Variants in ALK observed in about 807,000 individuals in gnomAD.
ALK encodes the protein ALK tyrosine kinase receptor.
ALK carries 74 observed loss-of-function variants against 163.1 expected under a neutral mutation model. The ratio of observed to expected loss-of-function variants is 0.45; its 90% CI spans 0.38 to 0.55. The LOEUF (loss-of-function observed/expected upper bound fraction) is 0.55, where lower values mean the gene tolerates loss of function less well. ALK is among the 20% of genes least tolerant of loss of function. The pLI is 0.00. For synonymous variants in ALK, 960 were observed against 843.2 expected (o/e 1.14, Z -2.40); for missense variants, 2,063 against 2,105.3 (o/e 0.98, Z 0.39).
intron 1 of ALK, among the ~76,000 whole-genome samples, chr2:29,838,114 T>C (rs1358327081): frequency 1.3e-5 from 2 of 152,198 alleles, no homozygotes; most frequent in South Asian, 4.1e-4. Flanking sequence ...CAGAGGACAC[T>C]GCAGAAGAAA....
chr2:29,860,781 C>T (rs969863086), intron 1 of ALK, among the ~76,000 whole-genome samples: 1 of 151,880 alleles, frequency 6.6e-6, no homozygotes, highest in African/African-American at 2.4e-5. Flanking sequence ...ACCAATGAGT[C>T]AAAGAGAAAT....
rs79717552 is a variant in ALK, at chr2:29,685,876, T to C, written c.952+8974A>G. Among the ~76,000 whole-genome samples, 347 of 152,324 alleles carry C rather than the reference T, an allele frequency of 2.3e-3. 1 individual carries two copies. Among genetic ancestry groups the C allele is most frequent in the African/African-American group, 7.8e-3 (325 of 41,578 alleles). On this transcript the variant is annotated intron_variant, in intron 3 of 28. Coordinates refer to ENST00000389048, the MANE Select transcript of ALK (RefSeq NM_004304.5). ...CTCTTCTTTCCCAGCCCTTAGAGGC[T>C]ACCTCCATTCTTCCTCTCACGGCTT... is the stretch of plus-strand genomic sequence containing the variant.
chr2:29,359,483 T>C (rs892323150), intron 5 of ALK, among the ~76,000 whole-genome samples: 1 of 152,222 alleles, frequency 6.6e-6, no homozygotes, highest in African/African-American at 2.4e-5. Flanking sequence ...CCTTCTTCAC[T>C]GGGTGCTTTC....
chr2:29,658,548 G>A (rs1270927543), intron 3 of ALK, among the ~76,000 whole-genome samples: 1 of 152,194 alleles, frequency 6.6e-6, no homozygotes, highest in Non-Finnish European at 1.5e-5. Flanking sequence ...CAGTGGCTAG[G>A]TGTAACCCTT....
intron 3 of ALK, among the ~76,000 whole-genome samples, chr2:29,647,929 C>A (rs1347883510): frequency 6.6e-6 from 1 of 151,992 alleles, no homozygotes; most frequent in Non-Finnish European, 1.5e-5. Flanking sequence ...ATGTGTCATT[C>A]ATTATGAATA....
chr2:29,260,408 T>A (rs1665056992), intron 11 of ALK, among the ~76,000 whole-genome samples: 2 of 152,242 alleles, frequency 1.3e-5, no homozygotes, highest in Admixed American at 1.3e-4. Context: ...ATTTTAATTT[T>A]GAATGATATT....
At chr2:29,299,205 T>G (rs1310353280) in intron 8 of ALK, among the ~76,000 whole-genome samples, 1 of 152,174 alleles carries the variant, frequency 6.6e-6, no homozygotes, top group Non-Finnish European at 1.5e-5. Flanking sequence ...AAAGTGCCTC[T>G]CCCTCTCCAC....
chr2:29,893,649 C>T (rs1006822926), intron 1 of ALK, among the ~76,000 whole-genome samples: 14 of 152,142 alleles, frequency 9.2e-5, no homozygotes, highest in African/African-American at 3.4e-4. Flanking sequence ...CCCTGGTATA[C>T]AATCCTGCCT....
chr2:29,699,801 C>T (rs185664427), intron 2 of ALK, among the ~76,000 whole-genome samples: 328 of 152,290 alleles, frequency 2.2e-3, no homozygotes, highest in Admixed American at 3.7e-3. Context: ...ATCATTGTCA[C>T]TTACTTTCTT....
chr2:29,871,488 G>A (rs750417265), intron 1 of ALK, among the ~76,000 whole-genome samples: 3 of 152,118 alleles, frequency 2.0e-5, no homozygotes, highest in South Asian at 4.1e-4. Flanking sequence ...GGGAGCTTAG[G>A]GCCATTAGGC....
rs571356082 is a variant in ALK, at chr2:29,398,976, A to AG, written c.1155-15118dup. On this transcript the variant is annotated intron_variant, in intron 4 of 28. Coordinates refer to ENST00000389048, the MANE Select transcript of ALK (RefSeq NM_004304.5). ...AGGCTTGTGTGGCAGGAGCTGCTGCAGGGGTATCTGAAAATGGTCGAGACT... is the reference window on the plus strand; with the variant it reads ...AGGCTTGTGTGGCAGGAGCTGCTGCAGGGGGTATCTGAAAATGGTCGAGACT... Among the ~76,000 whole-genome samples the AG allele has an allele frequency of 4.6e-3, 700 of 152,246 alleles. 4 individuals are homozygous for AG. The highest frequency in any genetic ancestry group is 6.7e-3 in the Non-Finnish European group (457 of 68,008).
intron 4 of ALK, among the ~76,000 whole-genome samples, chr2:29,454,479 T>C (rs937153500): frequency 3.9e-5 from 6 of 152,174 alleles, no homozygotes; most frequent in Non-Finnish European, 8.8e-5. Flanking sequence ...CCTAGTAGTT[T>C]TGATCCTCAG....
At chr2:29,640,741 A>G (rs1398970255) in intron 3 of ALK, among the ~76,000 whole-genome samples, 2 of 152,128 alleles carry the variant, frequency 1.3e-5, no homozygotes, top group East Asian at 3.8e-4. Context: ...GGGGCTTACT[A>G]TTAGTGGGGG....
intron 2 of ALK, among the ~76,000 whole-genome samples, chr2:29,706,465 A>G (rs2148298658): frequency 6.6e-6 from 1 of 152,334 alleles, no homozygotes; most frequent in African/African-American, 2.4e-5. Flanking sequence ...ATAGAGCCCC[A>G]GAACTTGAAA....
chr2:29,649,253 C>T (rs573308868), intron 3 of ALK, among the ~76,000 whole-genome samples: 19 of 138,490 alleles, frequency 1.4e-4, no homozygotes, highest in East Asian at 4.0e-4. Flanking sequence ...AAAGTGCGTG[C>T]GTGTGTGTGT....
chr2:29,618,009 C>A lies in ALK; in HGVS notation c.952+76841G>T, dbSNP rs1472949391. Reference sequence around the variant, plus strand: ...TGACTCCAGGCAGGTACTTTGGGTTCTGCCTAGCACAGGGTCTGCCTGGCA... The same window carrying A: ...TGACTCCAGGCAGGTACTTTGGGTTATGCCTAGCACAGGGTCTGCCTGGCA... On this transcript the variant is annotated intron_variant, in intron 3 of 28. Transcript: ENST00000389048. 2.6e-5 allele frequency among the ~76,000 whole-genome samples: 4 copies of A among 152,162 alleles called. No individual in the cohort carries two copies. The South Asian group carries it at 8.3e-4, about 32-fold the overall frequency.
At chr2:29,807,475 G>C (rs1476059516) in intron 1 of ALK, among the ~76,000 whole-genome samples, 1 of 152,236 alleles carries the variant, frequency 6.6e-6, no homozygotes, top group Non-Finnish European at 1.5e-5. Flanking sequence ...CATGCCAGGA[G>C]CTTTGGGCAG....
chr2:29,371,163 A>G (rs1439798127), intron 5 of ALK, among the ~76,000 whole-genome samples: 2 of 152,226 alleles, frequency 1.3e-5, no homozygotes, highest in Non-Finnish European at 2.9e-5. Flanking sequence ...GCTGCCCAGC[A>G]ACTGTCTGCC....
chr2:29,629,007 G>A (rs1241950157), intron 3 of ALK, among the ~76,000 whole-genome samples: 2 of 152,172 alleles, frequency 1.3e-5, no homozygotes, highest in East Asian at 1.9e-4. Flanking sequence ...ACCTAAGACT[G>A]CCATGGGAGT....
Sources: gnomAD v4.1 joint callset for allele counts (sites outside exome capture counted in the v4.1 genomes callset) on GRCh38, gnomAD v4.1.1 for gene constraint, MANE v1.5 for transcripts, NCBI Gene and HGNC (gene_info 2026-07-23, HGNC 2026-07-21) for gene names.